AP3M1: variants seen among roughly 807,000 people sequenced by gnomAD.
The protein encoded by AP3M1 is adaptor related protein complex 3 subunit mu 1.
AP3M1 carries 29 observed loss-of-function variants against 42.6 expected under a neutral mutation model. The ratio of observed to expected loss-of-function variants is 0.68; its 90% CI spans 0.51 to 0.93. AP3M1 has a LOEUF of 0.93. Among genes scored for constraint, AP3M1 ranks in the 40% least tolerant of loss-of-function variants. The probability of loss-of-function intolerance (pLI) is 0.00; values close to 1 mark genes in which losing one functional copy is unlikely to be tolerated. For missense variants in AP3M1, 416 were observed against 510.2 expected, an observed-to-expected ratio of 0.82 and a Z score of 1.78; for synonymous variants, 178 against 175.3, an observed-to-expected ratio of 1.02 and a Z score of -0.12.
chr10:74,135,821 T>C (rs1840924615), intron 3 of AP3M1, among the ~76,000 whole-genome samples: 1 of 152,202 alleles, frequency 6.6e-6, no homozygotes, highest in Non-Finnish European at 1.5e-5. Context: ...TCTTTGAATT[T>C]CTCCTAACAT....
intron 4 of AP3M1, among the ~76,000 whole-genome samples, chr10:74,132,833 T>C (rs1840821235): frequency 6.6e-6 from 1 of 152,026 alleles, no homozygotes; most frequent in Non-Finnish European, 1.5e-5. Flanking sequence ...AAGGAATAAA[T>C]AGCAAGAGGT....
Position 74,120,381 on chromosome 10 carries a change from T to A in AP3M1, c.*3429A>T, listed in dbSNP as rs1348828660. 2.6e-5 allele frequency: 4 copies of A among 152,244 alleles called. No homozygotes were observed. The highest frequency in any genetic ancestry group is 4.4e-5 in the Non-Finnish European group (3 of 68,040). The allele number at this position is 152,244 out of a possible 1,614,324, so 9.4% of individuals were successfully genotyped here. ...CCTGGGGATTACACACTTGAAGGAA[T>A]GGAAGTGGCAAAGGTTAACAGGCAG... On this transcript the variant is annotated 3_prime_UTR_variant, in exon 9 of 9. Transcript: ENST00000355264.
At chr10:74,134,221 T>C in intron 3 of AP3M1, 57 bp from the exon 4 acceptor site, 1 of 1,539,304 alleles carries the variant, frequency 6.5e-7, no homozygotes, top group Non-Finnish European at 8.8e-7. Flanking sequence ...ATGAGAAAAT[T>C]TATTACTAGG....
Position 74,133,891 on chromosome 10 carries a change from G to C in AP3M1, c.583+136C>G, listed in dbSNP as rs1840861087. ...GGCTGGTCTCGAACTCTGACCTCAT[G>C]TTCCGCCTGCCTTGGCCTCCCAAAG... is the stretch of plus-strand genomic sequence containing the variant. On this transcript the variant is annotated intron_variant, in intron 4 of 8. Coordinates refer to ENST00000355264, the MANE Select transcript of AP3M1 (RefSeq NM_012095.6). 4.0e-6 allele frequency: 4 copies of C among 1,007,612 alleles called. No individual in the cohort carries two copies. In the Admixed American group the frequency reaches 7.0e-5, roughly 18 times the overall value. 62.4% of individuals were successfully genotyped at this position (1,007,612 alleles called of 1,614,324 possible).
In AP3M1 at chr10:74,138,588, T is replaced by C. The variant is rs1316305442; in HGVS notation, c.-3-206A>G. On this transcript the variant is annotated intron_variant, in intron 1 of 8. Coordinates refer to ENST00000355264, the MANE Select transcript of AP3M1 (RefSeq NM_012095.6). ...AAATTGCATTTGACAAAATCCAACA[T>C]CCTTTTACGAAAAAAAAAAAAAAAA... 2.6e-5 allele frequency among the ~76,000 whole-genome samples: 3 copies of C among 116,790 alleles called. No individual in the cohort carries two copies. In the South Asian group the frequency reaches 7.9e-4, roughly 31 times the overall value. The allele number at this position is 116,790 out of a possible 152,430, so 76.6% of individuals were successfully genotyped here.
chr10:74,135,269 T>C (rs1840907999), intron 3 of AP3M1, among the ~76,000 whole-genome samples: 1 of 152,214 alleles, frequency 6.6e-6, no homozygotes, highest in African/African-American at 2.4e-5. Context: ...AATAAAACTT[T>C]AGGTTTTTCT....
intron 1 of AP3M1, among the ~76,000 whole-genome samples, chr10:74,145,674 C>G (rs1841306529): frequency 6.6e-6 from 1 of 152,076 alleles, no homozygotes; most frequent in African/African-American, 2.4e-5. Context: ...AGTCATAAAA[C>G]AGAATTCTCC....
rs1195748350 is a variant in AP3M1 at position 74,122,961 on chromosome 10, TTC to T, written c.*847_*848del. ...GATGGCAAAGGTTTCACTTAAGTTT[TTC>T]TTTTACTACTTTAATTTGCTTAAAA... is the stretch of plus-strand genomic sequence containing the variant. On this transcript the variant is annotated 3_prime_UTR_variant, in exon 9 of 9. Transcript: ENST00000355264. The T allele has an allele frequency of 6.6e-6, 1 of 152,600 alleles. No individual in the cohort carries two copies. Among genetic ancestry groups the T allele is most frequent in the African/African-American group, 2.4e-5 (1 of 41,468 alleles). The allele number at this position is 152,600 out of a possible 1,614,324, so 9.5% of individuals were successfully genotyped here. A position where few individuals can be genotyped will look rare whatever the true frequency, so the allele number is the denominator to read the frequency against.
chr10:74,149,821 C>T (rs1841487357), intron 1 of AP3M1, among the ~76,000 whole-genome samples: 1 of 152,158 alleles, frequency 6.6e-6, no homozygotes, highest in African/African-American at 2.4e-5. Flanking sequence ...CCCAAACTTT[C>T]CCCCACCTTG....
In AP3M1 at chr10:74,126,177, C is replaced by G. The variant is rs1422473211; in HGVS notation, c.982G>C (p.Gly328Arg). 1.9e-6 allele frequency: 3 copies of G among 1,614,048 alleles called. No individual in the cohort carries two copies. Among genetic ancestry groups the G allele is most frequent in the Admixed American group, 1.7e-5 (1 of 60,006 alleles). The change falls in exon 7 of 9, where the codon GGC becomes CGC. Residue 328 changes from glycine (G) to arginine (R), a missense_variant. Coordinates refer to ENST00000355264, the MANE Select transcript of AP3M1 (RefSeq NM_012095.6). ...GTGACTGGATCAAATGTATAGCTGC[C>G]TTGTGTGGGTGTCAGGTTCATGTTC... ...VLNMNLTPTQ[G>R]SYTFDPVTKV...
chr10:74,130,193 CA>C (rs1840741732), intron 4 of AP3M1, among the ~76,000 whole-genome samples: 1 of 152,030 alleles, frequency 6.6e-6, no homozygotes, highest in Non-Finnish European at 1.5e-5. Flanking sequence ...CCTAGCCTCC[CA>C]AATAGCTGGG....
rs1841008587 is a variant in AP3M1, at chr10:74,138,268, T to C, written c.112A>G (p.Lys38Glu). Residue 38 changes from lysine (K) to glutamate (E), a missense_variant, in exon 2 of 9, where the codon AAA becomes GAA. Transcript: ENST00000355264. ...VCDYFFEAQE[K>E]AADVENVPPV... The stretch of plus-strand genomic sequence containing the variant: ...GGTACATTTTCAACATCAGCAGCTT[T>C]CTCTTGAGCTTCAAAGAAATAATCA... 6.2e-7 allele frequency: 1 copy of C among 1,613,930 alleles called. No individual in the cohort carries two copies. The highest frequency in any genetic ancestry group is 8.5e-7 in the Non-Finnish European group (1 of 1,179,982).
intron 1 of AP3M1, among the ~76,000 whole-genome samples, chr10:74,143,518 A>G (rs140508145): frequency 2.3e-3 from 347 of 152,308 alleles, no homozygotes; most frequent in African/African-American, 7.8e-3. Context: ...GTCCCCATTC[A>G]AAGTGTTTTA....
At chr10:74,130,498 G>A (rs1425498002) in intron 4 of AP3M1, among the ~76,000 whole-genome samples, 1 of 150,636 alleles carries the variant, frequency 6.6e-6, no homozygotes, top group Non-Finnish European at 1.5e-5. Context: ...CCAGGCTGGA[G>A]CGTAGTGGTG....
chr10:74,129,813 A>G (rs1368773094), intron 5 of AP3M1, 94 bp downstream of exon 5: 1 of 883,554 alleles, frequency 1.1e-6, no homozygotes, highest in Non-Finnish European at 1.9e-6. Context: ...TTTGCAATCT[A>G]AGATGCAAAC....
intron 1 of AP3M1, among the ~76,000 whole-genome samples, chr10:74,142,442 GTGA>G (rs1288002952): frequency 2.0e-5 from 3 of 152,146 alleles, no homozygotes; most frequent in Admixed American, 2.0e-4. Flanking sequence ...AGAATATGTG[GTGA>G]TGATCTCCTC....
intron 1 of AP3M1, among the ~76,000 whole-genome samples, chr10:74,144,071 C>T (rs1421761119): frequency 6.6e-6 from 1 of 152,178 alleles, no homozygotes; most frequent in African/African-American, 2.4e-5. Flanking sequence ...ACACCATTCT[C>T]CTGCCTCAGC....
chr10:74,141,107 A>G (rs545222423), intron 1 of AP3M1, among the ~76,000 whole-genome samples: 5 of 152,300 alleles, frequency 3.3e-5, no homozygotes, highest in African/African-American at 7.2e-5. Context: ...TTGAAACCAT[A>G]TATCTTAAAG....
At position 74,120,436 on chromosome 10, in the gene AP3M1, A is replaced by ATCTT. The variant is rs1427044494; in HGVS notation, c.*3370_*3373dup. The ATCTT allele has an allele frequency of 6.6e-6, 1 of 152,244 alleles. No individual in the cohort carries two copies. The highest frequency in any genetic ancestry group is 2.4e-5 in the African/African-American group (1 of 41,458). 9.4% of individuals were successfully genotyped at this position (152,244 alleles called of 1,614,324 possible). A position where few individuals can be genotyped will look rare whatever the true frequency, so the allele number is the denominator to read the frequency against. On this transcript the variant is annotated 3_prime_UTR_variant, in exon 9 of 9. Transcript: ENST00000355264. Reference sequence around the variant, plus strand: ...CAGCTGGATGAAACAGTTTATTTTCATCTTAGAAGATTCTAGCTATCTGTG... The same window carrying ATCTT: ...CAGCTGGATGAAACAGTTTATTTTCATCTTTCTTAGAAGATTCTAGCTATCTGTG...
Sources: allele counts gnomAD v4.1 joint callset (sites outside exome capture counted in the v4.1 genomes callset), GRCh38; gene constraint gnomAD v4.1.1; transcripts MANE v1.5; gene names NCBI Gene and HGNC (gene_info 2026-07-23, HGNC 2026-07-21).